MOB4: variants seen among roughly 807,000 people sequenced by gnomAD.
MOB4 encodes MOB-like protein phocein.
In MOB4, 4 loss-of-function variants were observed where a neutral mutation model predicts 32.2. The ratio of observed to expected loss-of-function variants is 0.12; its 90% CI spans 0.06 to 0.28. The LOEUF (loss-of-function observed/expected upper bound fraction) is 0.28, where lower values mean the gene tolerates loss of function less well. Among genes scored for constraint, MOB4 ranks in the 10% least tolerant of loss-of-function variants. The pLI is 1.00. For synonymous variants in MOB4, 88 were observed against 88.1 expected, an observed-to-expected ratio of 1.00 and a Z score of 0.01; for missense variants, 158 against 271.2, an observed-to-expected ratio of 0.58 and a Z score of 2.93.
intron 5 of MOB4, among the ~76,000 whole-genome samples, chr2:197,544,086 C>T (rs1028589633): frequency 4.1e-5 from 6 of 146,702 alleles, no homozygotes; most frequent in Non-Finnish European, 9.0e-5. Context: ...TTCGCTCTGT[C>T]GCCCAGGCTG....
chr2:197,544,281 A>G lies in MOB4; in HGVS notation c.354+3844A>G, dbSNP rs192454757. Among the ~76,000 whole-genome samples the G allele has an allele frequency of 5.3e-5, 8 of 152,206 alleles. No individual in the cohort carries two copies. In the East Asian group the frequency reaches 1.6e-3, roughly 30 times the overall value. The stretch of plus-strand genomic sequence containing the variant: ...GAGACGGAGTTTCACCATGTTGACC[A>G]GTTTGGTCTCAAACTCCTGGCCTCA... On this transcript the variant is annotated intron_variant, in intron 5 of 7. Coordinates refer to ENST00000323303, the MANE Select transcript of MOB4 (RefSeq NM_015387.5).
At chr2:197,532,156 G>A (rs1295693093) in intron 2 of MOB4, among the ~76,000 whole-genome samples, 3 of 151,998 alleles carry the variant, frequency 2.0e-5, no homozygotes, top group Non-Finnish European at 4.4e-5. Flanking sequence ...TGATCTGCCC[G>A]CCTCTGCCTC....
chr2:197,542,991 G>A (rs1481424159), intron 5 of MOB4, among the ~76,000 whole-genome samples: 1 of 149,076 alleles, frequency 6.7e-6, no homozygotes, highest in African/African-American at 2.4e-5. Context: ...GAAATATGCT[G>A]TAAACACAAA....
At chr2:197,533,612 C>T (rs1052166935) in intron 2 of MOB4, among the ~76,000 whole-genome samples, 6 of 150,832 alleles carry the variant, frequency 4.0e-5, no homozygotes, top group African/African-American at 9.8e-5. Flanking sequence ...GTATTCCCAG[C>T]TACTCGGGAG....
intron 5 of MOB4, 38 bp from the exon 6 acceptor site, chr2:197,548,298 C>A: frequency 6.5e-7 from 1 of 1,543,022 alleles, no homozygotes; most frequent in Non-Finnish European, 8.9e-7. Flanking sequence ...TAAGAGAGAG[C>A]TCTTTGTTGA....
At chr2:197,515,744 G>A (rs781525032), upstream of MOB4, 64 of 347,458 alleles carry the variant, frequency 1.8e-4, no homozygotes, top group African/African-American at 1.3e-3. Context: ...TAACTAACGA[G>A]AGCCCATACC....
At chr2:197,521,005 A>AG (rs1432626236) in intron 1 of MOB4, among the ~76,000 whole-genome samples, 3 of 151,066 alleles carry the variant, frequency 2.0e-5, no homozygotes, top group Non-Finnish European at 4.4e-5. Flanking sequence ...GGTATATAGT[A>AG]GGTGTATATA....
chr2:197,536,276 G>A (rs1039760331), intron 3 of MOB4, among the ~76,000 whole-genome samples: 4 of 151,228 alleles, frequency 2.6e-5, no homozygotes, highest in African/African-American at 7.3e-5. Flanking sequence ...CAATCTTGGC[G>A]CATTGCAGCC....
chr2:197,524,789 T>TA (rs1205949401), intron 2 of MOB4, among the ~76,000 whole-genome samples: 2 of 151,722 alleles, frequency 1.3e-5, no homozygotes, highest in African/African-American at 4.8e-5. Context: ...TTTTTTTTTT[T>TA]AGACGGGGTC....
At chr2:197,527,169 A>C (rs1200576718) in intron 2 of MOB4, among the ~76,000 whole-genome samples, 1 of 151,614 alleles carries the variant, frequency 6.6e-6, no homozygotes, top group African/African-American at 2.4e-5. Flanking sequence ...CCGTATCTGC[A>C]AAAAAAAGGG....
rs1318582679 is a variant in MOB4, at chr2:197,552,293, T to C, written c.*1647T>C. The C allele has an allele frequency of 6.6e-6, 1 of 152,368 alleles. No homozygotes were observed. Among genetic ancestry groups the C allele is most frequent in the Non-Finnish European group, 1.5e-5 (1 of 68,046 alleles). 9.4% of individuals were successfully genotyped at this position (152,368 alleles called of 1,614,324 possible). ...AATTATGGATTTATATTAATGGCAC[T>C]ATAAACCAATGGTAATGGTAATTTT... On this transcript the variant is annotated 3_prime_UTR_variant, in exon 8 of 8. Coordinates refer to ENST00000323303, the MANE Select transcript of MOB4 (RefSeq NM_015387.5).
intron 3 of MOB4, among the ~76,000 whole-genome samples, chr2:197,538,436 T>C (rs1195980004): frequency 6.6e-6 from 1 of 151,918 alleles, no homozygotes; most frequent in African/African-American, 2.4e-5. Context: ...TGAGGCTGTA[T>C]ACTTGCCATT....
At chr2:197,516,717 G>A (rs980232192) in intron 1 of MOB4, 3 of 471,432 alleles carry the variant, frequency 6.4e-6, no homozygotes. Flanking sequence ...CTGTTCTCTG[G>A]TCCAGCAAGT....
At position 197,548,268 on chromosome 2, in the gene MOB4, T is replaced by G. The variant is rs1283197525; in HGVS notation, c.355-68T>G. The G allele has an allele frequency of 5.0e-6, 7 of 1,387,848 alleles. No individual in the cohort carries two copies. In the African/African-American group the frequency reaches 1.0e-4, roughly 20 times the overall value. 86.0% of individuals were successfully genotyped at this position (1,387,848 alleles called of 1,614,324 possible). A position where few individuals can be genotyped will look rare whatever the true frequency, so the allele number is the denominator to read the frequency against. ...ATGTCTTTGGAATAAGGTATACCCA[T>G]ATAATGAATATATCTAACTTAAGAG... On this transcript the variant is annotated intron_variant, in intron 5 of 7. Transcript: ENST00000323303.
chr2:197,541,877 C>T (rs62277860), intron 5 of MOB4, among the ~76,000 whole-genome samples: 1,762 of 152,038 alleles, frequency 0.012, 18 homozygotes, highest in Middle Eastern at 0.031. Flanking sequence ...CGAGATCCCG[C>T]CACTGCACTC....
intron 1 of MOB4, among the ~76,000 whole-genome samples, chr2:197,522,282 TATTC>T (rs767264031): frequency 3.3e-5 from 5 of 151,674 alleles, no homozygotes; most frequent in Middle Eastern, 3.4e-3. Flanking sequence ...TACTAGGTCT[TATTC>T]ATTCTTTCTA....
At chr2:197,549,989 A>T (rs1563340) in intron 6 of MOB4, among the ~76,000 whole-genome samples, 107,824 of 152,092 alleles carry the variant, frequency 0.71, 39,027 homozygotes, top group Middle Eastern at 0.86. Context: ...AATAGATGTT[A>T]TAGTAAATTT....
intron 2 of MOB4, among the ~76,000 whole-genome samples, chr2:197,534,924 G>T (rs1007645593): frequency 1.3e-5 from 2 of 151,846 alleles, no homozygotes; most frequent in African/African-American, 4.8e-5. Flanking sequence ...CTTCCTCTCT[G>T]CCCTCAAGCC....
In MOB4 at chr2:197,551,950, A is replaced by G. The variant is rs1235966769; in HGVS notation, c.*1304A>G. ...GTTGTGAAGAAAGTATTTAAATCCA[A>G]CTTTTGAACAGATTTAACAAACATG... On this transcript the variant is annotated 3_prime_UTR_variant, in exon 8 of 8. Transcript: ENST00000323303. The G allele has an allele frequency of 6.6e-6, 1 of 152,320 alleles. No homozygotes were observed. 9.4% of individuals were successfully genotyped at this position (152,320 alleles called of 1,614,324 possible). A position where few individuals can be genotyped will look rare whatever the true frequency, so the allele number is the denominator to read the frequency against.
Sources: allele counts gnomAD v4.1 joint callset (sites outside exome capture counted in the v4.1 genomes callset), GRCh38; gene constraint gnomAD v4.1.1; transcripts MANE v1.5; gene names NCBI Gene and HGNC (gene_info 2026-07-23, HGNC 2026-07-21).